SLC29A1: variants seen among roughly 807,000 people sequenced by gnomAD.
SLC29A1 encodes the protein solute carrier family 29 member 1 (Augustine blood group).
Under a neutral mutation model 48.3 loss-of-function variants are expected in SLC29A1, and 22 were observed. The ratio of observed to expected loss-of-function variants is 0.46; its 90% CI spans 0.33 to 0.65. The LOEUF is 0.65. SLC29A1 is among the 30% of genes least tolerant of loss of function. The probability of loss-of-function intolerance (pLI) is 0.03; values close to 1 mark genes in which losing one functional copy is unlikely to be tolerated. For missense variants in SLC29A1, 491 were observed against 575.3 expected (o/e 0.85, Z 1.50); for synonymous variants, 228 against 231.0 (o/e 0.99, Z 0.12).
Position 44,229,110 on chromosome 6 carries a change from C to T in SLC29A1, c.30-280C>T, listed in dbSNP as rs1031057309. Among the ~76,000 whole-genome samples the T allele has an allele frequency of 6.6e-6, 1 of 152,232 alleles. No individual in the cohort carries two copies. The highest frequency in any genetic ancestry group is 1.5e-5 in the Non-Finnish European group (1 of 68,038). On this transcript the variant is annotated intron_variant, in intron 2 of 12. Coordinates refer to ENST00000371755, the MANE Select transcript of SLC29A1 (RefSeq NM_001372327.1). The surrounding 1 kb of genome is among the most constrained non-coding windows in gnomAD (Gnocchi z 5.1). ...GTGGGTCACACTGGTTCCCAGCCTG[C>T]AGAGTCCCCCGAGCCTTCCAGGGCT... is the stretch of plus-strand genomic sequence containing the variant.
intron 5 of SLC29A1, 48 bp from the exon 6 acceptor site, chr6:44,230,299 C>T: frequency 1.3e-6 from 2 of 1,588,592 alleles, no homozygotes; most frequent in Non-Finnish European, 1.7e-6. Context: ...TGGGCACCCC[C>T]AACCACCAGC....
At position 44,229,308 on chromosome 6, in the gene SLC29A1, CG is replaced by C; in HGVS notation, c.30-80del. The C allele has an allele frequency of 9.1e-7, 1 of 1,098,552 alleles. No homozygotes were observed. Among genetic ancestry groups the C allele is most frequent in the Admixed American group, 1.7e-5 (1 of 59,242 alleles). 68.1% of individuals were successfully genotyped at this position (1,098,552 alleles called of 1,614,324 possible). A position where few individuals can be genotyped will look rare whatever the true frequency, so the allele number is the denominator to read the frequency against. ...CCCTGGGACCTAGAGAGACTGACAACGGACAGGGGCTTTCCTGGGGCTCATT... is the reference window on the plus strand; with the variant it reads ...CCCTGGGACCTAGAGAGACTGACAACGACAGGGGCTTTCCTGGGGCTCATT... On this transcript the variant is annotated intron_variant, in intron 2 of 12. Transcript: ENST00000371755. The surrounding 1 kb of genome is among the most constrained non-coding windows in gnomAD (Gnocchi z 5.1).
chr6:44,227,382 G>C (rs771969691), intron 2 of SLC29A1, 40 bp downstream of exon 2: 23 of 1,554,932 alleles, frequency 1.5e-5, no homozygotes, highest in Non-Finnish European at 2.0e-5. Flanking sequence ...CAGGGAATGG[G>C]TTTTCAGGGA....
At chr6:44,221,739 C>T (rs1776453056), upstream of SLC29A1, 1 of 935,534 alleles carries the variant, frequency 1.1e-6, no homozygotes, top group African/African-American at 1.7e-5. The surrounding 1 kb of genome is among the most constrained non-coding windows in gnomAD (Gnocchi z 4.2). Context: ...CCAGCAACCT[C>T]TGCTTGGGAG....
intron 1 of SLC29A1, 98 bp from the exon 2 acceptor site, chr6:44,227,165 G>C: frequency 2.1e-6 from 3 of 1,413,366 alleles, no homozygotes; most frequent in Non-Finnish European, 2.9e-6. Flanking sequence ...CTCCTCCACT[G>C]GCCTGTTCTG....
At chr6:44,223,491 C>T (rs1010238253), upstream of SLC29A1, 2 of 654,678 alleles carry the variant, frequency 3.1e-6, no homozygotes, top group Non-Finnish European at 3.4e-6. This position sits in a 1 kb window ranked among gnomAD's most constrained non-coding sequence, Gnocchi z 5.0. Flanking sequence ...AGGGGTGGGC[C>T]GGGGGCGGGG....
intron 1 of SLC29A1, 159 bp from the exon 2 acceptor site, chr6:44,227,104 G>T: frequency 7.1e-7 from 1 of 1,415,978 alleles, no homozygotes; most frequent in Non-Finnish European, 9.2e-7. Context: ...GCTGGGTGGG[G>T]GTCAAGTTGA....
intron 1 of SLC29A1, among the ~76,000 whole-genome samples, chr6:44,224,622 A>G (rs1280698976): frequency 6.6e-6 from 1 of 152,092 alleles, no homozygotes; most frequent in Non-Finnish European, 1.5e-5. Flanking sequence ...AGCTGGCCCC[A>G]TCTATTCAGT....
rs1339679398 is a variant in SLC29A1, at chr6:44,232,419, A to G, written c.1050A>G (p.Val350=). 8.7e-6 allele frequency: 14 copies of G among 1,611,282 alleles called. No homozygotes were observed. Among genetic ancestry groups the G allele is most frequent in the South Asian group, 1.1e-5 (1 of 91,004 alleles). ...FDWLGRSLTA[V]FMWPGKDSRW... is the part of the protein sequence containing the mutation. ...GGTTGGGCCGGAGCCTCACAGCTGT[A>G]TTCATGTGGGTAAGTGGAGGAAGAG... is the stretch of plus-strand genomic sequence containing the variant. The change falls in exon 11 of 13, where the codon GTA becomes GTG. Residue 350 remains valine, a synonymous_variant. Transcript: ENST00000371755. This position sits in a 1 kb window ranked among gnomAD's most constrained non-coding sequence, Gnocchi z 4.7.
chr6:44,232,349 A>G lies in SLC29A1; in HGVS notation c.980A>G (p.Tyr327Cys). The G allele has an allele frequency of 2.5e-6, 4 of 1,611,620 alleles. No homozygotes were observed. The highest frequency in any genetic ancestry group is 3.4e-6 in the Non-Finnish European group (4 of 1,177,702). Residue 327 changes from tyrosine (Y) to cysteine (C), a missense_variant, in exon 11 of 13, where the codon TAC becomes TGC. Physicochemically the swap from Tyr to Cys is radical, Grantham distance 194. Transcript: ENST00000371755. The surrounding 1 kb of genome is among the most constrained non-coding windows in gnomAD (Gnocchi z 4.7). ...CGTTCATCTCCTCTTCCAGAACGTT[A>G]CTTCATTCCTGTGTCCTGTTTCTTG... is the stretch of plus-strand genomic sequence containing the variant. Reference protein sequence around the residue: ...SIAGSSTWERYFIPVSCFLTF... With the variant: ...SIAGSSTWERCFIPVSCFLTF...
In SLC29A1 at chr6:44,232,273, C is replaced by A; in HGVS notation, c.974-70C>A. The A allele has an allele frequency of 8.2e-7, 1 of 1,220,768 alleles. No homozygotes were observed. Among genetic ancestry groups the A allele is most frequent in the Non-Finnish European group, 1.2e-6 (1 of 821,460 alleles). The allele number at this position is 1,220,768 out of a possible 1,614,324, so 75.6% of individuals were successfully genotyped here. A position where few individuals can be genotyped will look rare whatever the true frequency, so the allele number is the denominator to read the frequency against. ...ATTTTACTGTTGGGGAAGCTGAGGC[C>A]CAGTGAAGGTTAGGCTTGCTATACC... On this transcript the variant is annotated intron_variant, in intron 10 of 12. Coordinates refer to ENST00000371755, the MANE Select transcript of SLC29A1 (RefSeq NM_001372327.1). The surrounding 1 kb of genome is among the most constrained non-coding windows in gnomAD (Gnocchi z 4.7).
chr6:44,221,314 G>A (rs1776392493), upstream of SLC29A1, among the ~76,000 whole-genome samples: 1 of 152,196 alleles, frequency 6.6e-6, no homozygotes, highest in Non-Finnish European at 1.5e-5. The surrounding 1 kb of genome is among the most constrained non-coding windows in gnomAD (Gnocchi z 4.2). Flanking sequence ...AAACACAACT[G>A]AGAACACAGA....
Position 44,223,965 on chromosome 6 carries a change from A to T in SLC29A1, c.-52+324A>T. On this transcript the variant is annotated intron_variant, in intron 1 of 12. Coordinates refer to ENST00000371755, the MANE Select transcript of SLC29A1 (RefSeq NM_001372327.1). The surrounding 1 kb of genome is among the most constrained non-coding windows in gnomAD (Gnocchi z 5.0). Reference sequence around the variant, plus strand: ...GATCCCCATCGATCTGGTCGGTATCAGGGAGGGGCCGTGCCGCTGACTGCG... The same window carrying T: ...GATCCCCATCGATCTGGTCGGTATCTGGGAGGGGCCGTGCCGCTGACTGCG... 1.0e-6 allele frequency: 1 copy of T among 984,418 alleles called. No individual in the cohort carries two copies. Among genetic ancestry groups the T allele is most frequent in the Non-Finnish European group, 1.2e-6 (1 of 829,488 alleles). The allele number at this position is 984,418 out of a possible 1,614,324, so 61.0% of individuals were successfully genotyped here. A position where few individuals can be genotyped will look rare whatever the true frequency, so the allele number is the denominator to read the frequency against.
chr6:44,226,855 TC>T (rs1777649973), intron 1 of SLC29A1: 1 of 1,025,362 alleles, frequency 9.8e-7, no homozygotes. Context: ...TCTCCCTCCT[TC>T]CCTTGTCATC....
At chr6:44,230,114 C>A (rs1261854277) in intron 5 of SLC29A1, 68 bp downstream of exon 5, 2 of 1,580,896 alleles carry the variant, frequency 1.3e-6, no homozygotes, top group Non-Finnish European at 1.7e-6. Flanking sequence ...TTTTTCAGAC[C>A]CAGCGTTAGC....
intron 1 of SLC29A1, chr6:44,225,782 G>A (rs970721882): frequency 5.9e-5 from 9 of 152,224 alleles, no homozygotes; most frequent in African/African-American, 1.9e-4. Context: ...GGGTTGAGAG[G>A]AACTACAGGG....
At position 44,229,487 on chromosome 6, in the gene SLC29A1, C is replaced by T. The variant is rs1243416776; in HGVS notation, c.111+16C>T. On this transcript the variant is annotated intron_variant, in intron 3 of 12. Coordinates refer to ENST00000371755, the MANE Select transcript of SLC29A1 (RefSeq NM_001372327.1). The surrounding 1 kb of genome is among the most constrained non-coding windows in gnomAD (Gnocchi z 5.1). ...GGCCACTCAGGTGAGGCTGGAGGGACTGGGCTCCATGGGGCAGTGCCCACT... is the reference window on the plus strand; with the variant it reads ...GGCCACTCAGGTGAGGCTGGAGGGATTGGGCTCCATGGGGCAGTGCCCACT... 1 of 1,612,176 alleles carries T rather than the reference C, an allele frequency of 6.2e-7. No homozygotes were observed. The highest frequency in any genetic ancestry group is 8.5e-7 in the Non-Finnish European group (1 of 1,178,164).
chr6:44,231,434 C>A lies in SLC29A1; in HGVS notation c.837C>A (p.Ser279Arg), dbSNP rs1244302298. 1.9e-5 allele frequency: 31 copies of A among 1,606,642 alleles called. No individual in the cohort carries two copies. The highest frequency in any genetic ancestry group is 2.3e-5 in the Non-Finnish European group (27 of 1,175,344). ...SVSNSQPTNE[S>R]HSIKAILKNI... ...CCAACTCTCAGCCCACCAATGAAAG[C>A]CACTCTATCAAAGCCATCCTGAAAA... Residue 279 changes from serine (S) to arginine (R), a missense_variant, in exon 9 of 13, where the codon AGC (serine) becomes AGA (arginine). Ser to Arg is a moderately radical substitution (Grantham distance 110). Transcript: ENST00000371755.
chr6:44,230,699 T>TTTGGG, intron 7 of SLC29A1, 34 bp downstream of exon 7: 2 of 1,172,632 alleles, frequency 1.7e-6, no homozygotes, highest in Non-Finnish European at 2.4e-6. Context: ...GTTTGGGGTA[T>TTTGGG]AGGGGTCTGG....
Sources: allele counts gnomAD v4.1 joint callset (sites outside exome capture counted in the v4.1 genomes callset), GRCh38; gene constraint gnomAD v4.1.1; non-coding constraint Gnocchi (gnomAD v3.1); transcripts MANE v1.5; gene names NCBI Gene and HGNC (gene_info 2026-07-23, HGNC 2026-07-21).